The following MYBL2 variants were observed in gnomAD, a reference collection of about 807,000 sequenced individuals.
MYBL2 encodes myb-related protein B.
MYBL2 carries 28 observed loss-of-function variants against 79.9 expected under a neutral mutation model. The ratio of observed to expected loss-of-function variants is 0.35; its 90% CI spans 0.26 to 0.48. The LOEUF is 0.48. Among genes scored for constraint, MYBL2 ranks in the 20% least tolerant of loss-of-function variants. The pLI, the probability that MYBL2 is intolerant of heterozygous loss-of-function variation, is 0.99. For missense variants in MYBL2, 735 were observed against 893.9 expected, an observed-to-expected ratio of 0.82 and a Z score of 2.27; for synonymous variants, 378 against 361.2, an observed-to-expected ratio of 1.05 and a Z score of -0.53.
chr20:43,716,141 GA>G lies in MYBL2; in HGVS notation c.*55del. The G allele has an allele frequency of 6.3e-7, 1 of 1,593,702 alleles. No homozygotes were observed. Among genetic ancestry groups the G allele is most frequent in the Non-Finnish European group, 8.5e-7 (1 of 1,177,484 alleles). On this transcript the variant is annotated 3_prime_UTR_variant, in exon 14 of 14. Coordinates refer to ENST00000217026, the MANE Select transcript of MYBL2 (RefSeq NM_002466.4). ...CATGTTTACAGGGGTTGTGGGGGCAGAGGGGGTCTGTGAATCTGAGAGTCAT... is the reference window on the plus strand; with the variant it reads ...CATGTTTACAGGGGTTGTGGGGGCAGGGGGGTCTGTGAATCTGAGAGTCAT...
Position 43,692,247 on chromosome 20 carries a change from G to C in MYBL2, c.591G>C (p.Lys197Asn), listed in dbSNP as rs766523650. The C allele has an allele frequency of 6.2e-7, 1 of 1,614,088 alleles. No homozygotes were observed. Among genetic ancestry groups the C allele is most frequent in the Admixed American group, 1.7e-5 (1 of 59,998 alleles). The change falls in exon 6 of 14, where the codon AAG (lysine) becomes AAC (asparagine). Residue 197 changes from lysine (K) to asparagine (N), a missense_variant. Lys to Asn is a moderately conservative substitution (Grantham distance 94). Coordinates refer to ENST00000217026, the MANE Select transcript of MYBL2 (RefSeq NM_002466.4). ...TCTTGAGCGAGTCCAAAGACTGCAA[G>C]CCCCCAGTGTACTTGCTGCTGGAGC... is the stretch of plus-strand genomic sequence containing the variant. ...GGFLSESKDC[K>N]PPVYLLLELE...
chr20:43,678,480 A>C (rs1002199051), intron 2 of MYBL2, among the ~76,000 whole-genome samples: 2 of 152,078 alleles, frequency 1.3e-5, no homozygotes, highest in Non-Finnish European at 2.9e-5. Flanking sequence ...GAACTGGACA[A>C]AGATGGAAGG....
chr20:43,671,891 T>C (rs1986867171), intron 1 of MYBL2, among the ~76,000 whole-genome samples: 1 of 152,022 alleles, frequency 6.6e-6, no homozygotes, highest in Non-Finnish European at 1.5e-5. Context: ...GTTTTTTTTT[T>C]TTCCCCTACA....
chr20:43,675,544 C>T (rs1986984961), intron 2 of MYBL2, among the ~76,000 whole-genome samples: 1 of 152,116 alleles, frequency 6.6e-6, no homozygotes, highest in South Asian at 2.1e-4. Context: ...AACTCCTGAC[C>T]TCAAGCAATC....
At position 43,705,201 on chromosome 20, in the gene MYBL2, C is replaced by T; in HGVS notation, c.1366-18C>T. On this transcript the variant is annotated intron_variant, in intron 8 of 13. Coordinates refer to ENST00000217026, the MANE Select transcript of MYBL2 (RefSeq NM_002466.4). Reference sequence around the variant, plus strand: ...GCAGGTCATCATTTTGTCTTGTTCCCTCTCTCTTCTTTGGCAGTTTCTGAA... The same window carrying T: ...GCAGGTCATCATTTTGTCTTGTTCCTTCTCTCTTCTTTGGCAGTTTCTGAA... 2.5e-6 allele frequency: 4 copies of T among 1,612,784 alleles called. No individual in the cohort carries two copies. The highest frequency in any genetic ancestry group is 3.4e-6 in the Non-Finnish European group (4 of 1,179,430).
Position 43,711,488 on chromosome 20 carries a change from C to T in MYBL2, c.1606C>T (p.Pro536Ser), listed in dbSNP as rs1987904470. 17 of 1,611,216 alleles carry T rather than the reference C, an allele frequency of 1.1e-5. No individual in the cohort carries two copies. Among genetic ancestry groups the T allele is most frequent in the Non-Finnish European group, 1.4e-5 (17 of 1,178,654 alleles). ...LEKYGPLKPL[P>S]QTPHLEEDLK... ...TGGGCTGCCCCGTGCCTACCCACAGCCACAGACCCCGCACCTGGAGGAGGA... is the reference window on the plus strand; with the variant it reads ...TGGGCTGCCCCGTGCCTACCCACAGTCACAGACCCCGCACCTGGAGGAGGA... Residue 536 changes from proline to serine, a missense_variant and splice_region_variant, in exon 11 of 14, where the codon CCA (proline) becomes TCA (serine). Pro to Ser is a moderately conservative substitution (Grantham distance 74, BLOSUM62 -1). Around this residue, in one of 5 missense-constraint regions of MYBL2, gnomAD observed 243 missense variants for 327.2 expected, o/e 0.74. Coordinates refer to ENST00000217026, the MANE Select transcript of MYBL2 (RefSeq NM_002466.4).
At chr20:43,675,311 C>T (rs1262304733) in intron 2 of MYBL2, among the ~76,000 whole-genome samples, 1 of 151,402 alleles carries the variant, frequency 6.6e-6, no homozygotes, top group Non-Finnish European at 1.5e-5. Context: ...ACAGTTTGAT[C>T]AGTTTTTTTT....
intron 6 of MYBL2, among the ~76,000 whole-genome samples, chr20:43,694,060 C>T (rs941707425): frequency 1.3e-5 from 2 of 151,782 alleles, no homozygotes; most frequent in African/African-American, 2.4e-5. Flanking sequence ...AGGCCGGGCA[C>T]GGTGGCTCAC....
Position 43,692,232 on chromosome 20 carries a change from G to A in MYBL2, c.576G>A (p.Glu192=). ...TGGACACAGGAGGCTTCTTGAGCGAGTCCAAAGACTGCAAGCCCCCAGTGT... is the reference window on the plus strand; with the variant it reads ...TGGACACAGGAGGCTTCTTGAGCGAATCCAAAGACTGCAAGCCCCCAGTGT... The part of the protein sequence containing the change: ...RKVDTGGFLS[E]SKDCKPPVYL... Residue 192 remains glutamate (E), a synonymous_variant, in exon 6 of 14, where the codon GAG becomes GAA. Coordinates refer to ENST00000217026, the MANE Select transcript of MYBL2 (RefSeq NM_002466.4). 6.2e-7 allele frequency: 1 copy of A among 1,614,178 alleles called. No homozygotes were observed. The highest frequency in any genetic ancestry group is 8.5e-7 in the Non-Finnish European group (1 of 1,180,038).
At chr20:43,686,740 G>A in intron 4 of MYBL2, 112 bp from the exon 5 acceptor site, 2 of 1,014,778 alleles carry the variant, frequency 2.0e-6, no homozygotes, top group Non-Finnish European at 2.9e-6. Flanking sequence ...CTGAGGGGAT[G>A]TGGTAGGTGG....
At chr20:43,676,702 A>T (rs1277404605) in intron 2 of MYBL2, among the ~76,000 whole-genome samples, 1 of 152,178 alleles carries the variant, frequency 6.6e-6, no homozygotes, top group Admixed American at 6.6e-5. Context: ...GGGTAGGTGT[A>T]TGTTTAGTTT....
rs35782683 is a variant in MYBL2, at chr20:43,673,761, CAT to C, written c.21-42_21-41del. ...CCTACACGTTCTCCATTATGTAAAA[CAT>C]ATGGACACACCATCCTTGACCCTTG... On this transcript the variant is annotated intron_variant, in intron 1 of 13. Coordinates refer to ENST00000217026, the MANE Select transcript of MYBL2 (RefSeq NM_002466.4). The C allele has an allele frequency of 1.0e-4, 157 of 1,554,504 alleles. No homozygotes were observed. The African/African-American group carries it at 1.5e-3, about 15-fold the overall frequency.
intron 2 of MYBL2, among the ~76,000 whole-genome samples, chr20:43,676,244 T>G (rs1199888783): frequency 1.3e-5 from 2 of 151,794 alleles, no homozygotes; most frequent in African/African-American, 4.8e-5. Flanking sequence ...TTGATCCTCA[T>G]CCTCCTCCCA....
intron 4 of MYBL2, among the ~76,000 whole-genome samples, chr20:43,683,580 G>T (rs1411055595): frequency 1.4e-5 from 2 of 145,676 alleles, no homozygotes; most frequent in Non-Finnish European, 3.0e-5. Context: ...TTGAGACGGA[G>T]TCTTGCTTTG....
chr20:43,667,318 G>C lies in MYBL2; in HGVS notation c.20+15G>C. 1 of 1,230,426 alleles carries C rather than the reference G, an allele frequency of 8.1e-7. No individual in the cohort carries two copies. Among genetic ancestry groups the C allele is most frequent in the Non-Finnish European group, 1.0e-6 (1 of 985,272 alleles). 76.2% of individuals were successfully genotyped at this position (1,230,426 alleles called of 1,614,324 possible). On this transcript the variant is annotated intron_variant, in intron 1 of 13. Coordinates refer to ENST00000217026, the MANE Select transcript of MYBL2 (RefSeq NM_002466.4). Reference sequence around the variant, plus strand: ...CGGACGCGCTGGTGAGACGAGCCGGGAGGGCTTGGGCCCCTCCCCCTCCCT... The same window carrying C: ...CGGACGCGCTGGTGAGACGAGCCGGCAGGGCTTGGGCCCCTCCCCCTCCCT...
At chr20:43,697,319 G>A (rs1207854889) in intron 6 of MYBL2, among the ~76,000 whole-genome samples, 4 of 151,288 alleles carry the variant, frequency 2.6e-5, no homozygotes, top group East Asian at 1.9e-4. Flanking sequence ...CAAATAAATT[G>A]CATATATTGA....
At chr20:43,673,947 A>G in intron 2 of MYBL2, 48 bp downstream of exon 2, 4 of 1,469,170 alleles carry the variant, frequency 2.7e-6, no homozygotes, top group Non-Finnish European at 3.7e-6. Flanking sequence ...GGGGCTGTCC[A>G]GAGGAACTGA....
chr20:43,687,078 C>G lies in MYBL2; in HGVS notation c.500+6C>G, dbSNP rs140855126. ...GCCAAGATGTTGCCAGGGAGGTAAG[C>G]TGTCTTCTTGGGGGTTGGGACAGGT... On this transcript the variant is annotated splice_donor_region_variant and intron_variant, in intron 5 of 13. Coordinates refer to ENST00000217026, the MANE Select transcript of MYBL2 (RefSeq NM_002466.4). 1.5e-5 allele frequency: 24 copies of G among 1,611,686 alleles called. No homozygotes were observed. The East Asian group carries it at 5.3e-4, about 36-fold the overall frequency.
intron 6 of MYBL2, among the ~76,000 whole-genome samples, chr20:43,692,895 C>G (rs1323446334): frequency 1.3e-5 from 2 of 152,194 alleles, no homozygotes; most frequent in African/African-American, 4.8e-5. Flanking sequence ...ATACAACAGT[C>G]CCATCACCCC....
Sources: allele counts gnomAD v4.1 joint callset (sites outside exome capture counted in the v4.1 genomes callset), GRCh38; gene constraint gnomAD v4.1.1; regional missense constraint gnomAD v4.1.1; transcripts MANE v1.5; gene names NCBI Gene and HGNC (gene_info 2026-07-23, HGNC 2026-07-21).